Variants in WDR83 observed in about 807,000 individuals in gnomAD.
WDR83 encodes the protein WD repeat domain-containing protein 83.
In WDR83, 37 loss-of-function variants were observed where a neutral mutation model predicts 37.7. The observed-to-expected ratio is 0.98, with a 90% confidence interval of 0.76 to 1.29. The LOEUF is 1.29. Ranked by LOEUF, WDR83 falls within the 50% of genes most tolerant of loss-of-function variation. The pLI, the probability that WDR83 is intolerant of heterozygous loss-of-function variation, is 0.00. For missense variants in WDR83, 445 were observed against 414.4 expected (o/e 1.07, Z -0.64); for synonymous variants, 174 against 181.1 (o/e 0.96, Z 0.31).
intron 1 of WDR83, among the ~76,000 whole-genome samples, chr19:12,667,870 G>C (rs939007407): frequency 6.6e-6 from 1 of 151,950 alleles, no homozygotes; most frequent in Non-Finnish European, 1.5e-5. Context: ...AGATTATCTA[G>C]GTCAGCAGGG....
At chr19:12,669,327 C>T (rs774840625) in intron 2 of WDR83, 41 of 1,605,566 alleles carry the variant, frequency 2.6e-5, no homozygotes, top group Non-Finnish European at 3.4e-5. Context: ...CAACCCGAAC[C>T]CGTGCCCACG....
intron 2 of WDR83, chr19:12,669,400 A>G (rs1292454763): frequency 8.8e-6 from 14 of 1,597,100 alleles, no homozygotes. Flanking sequence ...TTGTTAGTGG[A>G]CATAGCGAGT....
rs146967118 is a variant in WDR83 at position 12,667,534 on chromosome 19, T to C, written c.-157+542T>C. The stretch of plus-strand genomic sequence containing the variant: ...TGGGCATGGTGGCACATGCCTGTAA[T>C]CCCAGCTACTTGGGAGACTGAGGCA... On this transcript the variant is annotated intron_variant, in intron 1 of 10. Coordinates refer to ENST00000418543, the MANE Select transcript of WDR83 (RefSeq NM_001099737.3). Among the ~76,000 whole-genome samples the C allele has an allele frequency of 7.0e-3, 1,072 of 152,236 alleles. 3 individuals are homozygous for C. The highest frequency in any genetic ancestry group is 0.01 in the Non-Finnish European group (713 of 68,028).
chr19:12,673,206 A>G lies in WDR83; in HGVS notation c.688A>G (p.Lys230Glu). The G allele has an allele frequency of 6.2e-7, 1 of 1,613,994 alleles. No individual in the cohort carries two copies. Among genetic ancestry groups the G allele is most frequent in the Non-Finnish European group, 8.5e-7 (1 of 1,179,978 alleles). Residue 230 changes from lysine (K) to glutamate (E), a missense_variant, in exon 10 of 11, where the codon AAG (lysine) becomes GAG (glutamate). Coordinates refer to ENST00000418543, the MANE Select transcript of WDR83 (RefSeq NM_001099737.3). ...KDTGELLGEYKGHKNQEYKLD... is the reference protein window; with the variant it reads ...KDTGELLGEYEGHKNQEYKLD... ...CCCGATCCTGTCCACCCTTAGGTAC[A>G]AGGGCCATAAGAACCAGGAATACAA... is the stretch of plus-strand genomic sequence containing the variant.
intron 2 of WDR83, chr19:12,669,445 T>C (rs779522744): frequency 3.2e-5 from 50 of 1,567,838 alleles, no homozygotes; most frequent in Middle Eastern, 1.7e-4. Flanking sequence ...GCTGCAGGAA[T>C]CGCAGCTTCC....
At chr19:12,671,448 C>A (rs539008123) in intron 7 of WDR83, 1 of 151,910 alleles carries the variant, frequency 6.6e-6, no homozygotes, top group Non-Finnish European at 1.5e-5. Flanking sequence ...GTCAGGAGAT[C>A]GAGATCATTC....
Position 12,670,075 on chromosome 19 carries a change from T to A in WDR83, c.202T>A (p.Tyr68Asn). The change falls in exon 4 of 11, where the codon TAC becomes AAC. Residue 68 changes from tyrosine (Y) to asparagine (N), a missense_variant. By Grantham distance (143) the Tyr-to-Asn change is moderately radical. Coordinates refer to ENST00000418543, the MANE Select transcript of WDR83 (RefSeq NM_001099737.3). ...TLLRTYSGHG[Y>N]EVLDAAGSFD... The stretch of plus-strand genomic sequence containing the variant: ...GCTGCGGACGTACAGCGGCCACGGC[T>A]ACGAGGTGCTGGATGCGGCCGGGTG... The A allele has an allele frequency of 6.2e-7, 1 of 1,611,940 alleles. No homozygotes were observed. The highest frequency in any genetic ancestry group is 1.1e-5 in the South Asian group (1 of 91,028).
At chr19:12,668,743 C>T (rs984310507) in intron 2 of WDR83, 116 bp downstream of exon 2, 19 of 786,772 alleles carry the variant, frequency 2.4e-5, no homozygotes, top group Middle Eastern at 3.5e-4. Context: ...TTGCCCCACC[C>T]GGAATTCCTC....
chr19:12,670,352 C>G, intron 5 of WDR83, 67 bp downstream of exon 5: 1 of 1,553,478 alleles, frequency 6.4e-7, no homozygotes, highest in South Asian at 1.2e-5. Context: ...GGTGGTGACA[C>G]GGCCACCCCC....
intron 2 of WDR83, chr19:12,669,413 A>G (rs1420121383): frequency 2.5e-6 from 4 of 1,591,338 alleles, no homozygotes; most frequent in Middle Eastern, 1.7e-4. Context: ...TAGCGAGTCG[A>G]AGGCCAGATC....
chr19:12,670,723 G>C lies in WDR83; in HGVS notation c.408G>C (p.Trp136Cys), dbSNP rs963199844. 12 of 1,614,050 alleles carry C rather than the reference G, an allele frequency of 7.4e-6. No individual in the cohort carries two copies. Among genetic ancestry groups the C allele is most frequent in the East Asian group, 2.2e-5 (1 of 44,892 alleles). ...SGSIDSSIRC[W>C]DCRSRRPEPV... ...CTATTGATTCCAGTATCCGCTGTTG[G>C]GATTGCCGCTCACGGAGGCCTGAGC... is the stretch of plus-strand genomic sequence containing the variant. Residue 136 changes from tryptophan (W) to cysteine (C), a missense_variant, in exon 7 of 11, where the codon TGG (tryptophan) becomes TGC (cysteine). By Grantham distance (215) the Trp-to-Cys change is radical. Transcript: ENST00000418543.
rs1282932238 is a variant in WDR83 at position 12,675,781 on chromosome 19, G to C, written c.*109G>C. 6.4e-7 allele frequency: 1 copy of C among 1,566,522 alleles called. No individual in the cohort carries two copies. Among genetic ancestry groups the C allele is most frequent in the Non-Finnish European group, 8.7e-7 (1 of 1,154,332 alleles). On this transcript the variant is annotated 3_prime_UTR_variant, in exon 11 of 11. Coordinates refer to ENST00000418543, the MANE Select transcript of WDR83 (RefSeq NM_001099737.3). ...CTGACCAAAAAGTAGGGGAGGGGCT[G>C]GGTCTGCAAATTAATAAATAGAAGA...
intron 10 of WDR83, among the ~76,000 whole-genome samples, chr19:12,675,056 G>A (rs1275852481): frequency 2.6e-5 from 4 of 151,722 alleles, no homozygotes; most frequent in African/African-American, 9.7e-5. Flanking sequence ...GGAGGTTGCA[G>A]TGAGCCCAGA....
intron 1 of WDR83, 40 bp from the exon 2 acceptor site, chr19:12,668,468 G>A: frequency 1.2e-6 from 2 of 1,613,236 alleles, no homozygotes; most frequent in Non-Finnish European, 1.7e-6. Flanking sequence ...GCCAGGCTGG[G>A]GTCCCCCCAC....
At chr19:12,670,888 G>A in intron 7 of WDR83, 67 bp downstream of exon 7, 1 of 1,557,186 alleles carries the variant, frequency 6.4e-7, no homozygotes, top group Non-Finnish European at 8.7e-7. Context: ...CCCATGCTCA[G>A]ATTAAAACCT....
intron 2 of WDR83, chr19:12,669,450 G>C: frequency 3.2e-6 from 5 of 1,563,270 alleles, no homozygotes; most frequent in Non-Finnish European, 4.3e-6. Flanking sequence ...AGGAATCGCA[G>C]CTTCCGGCGT....
chr19:12,670,598 A>G lies in WDR83; in HGVS notation c.366A>G (p.Thr122=). The part of the protein sequence containing the change: ...VNTVQFNEEA[T]VILSGSIDSS... ...CGGTGCAGTTTAATGAAGAGGCCAC[A>G]GTTATCCTGTCCGGTGAGTCTGGGG... is the stretch of plus-strand genomic sequence containing the variant. The change falls in exon 6 of 11, where the codon ACA becomes ACG. Residue 122 remains threonine (T), a synonymous_variant. Transcript: ENST00000418543. 2 of 1,614,228 alleles carry G rather than the reference A, an allele frequency of 1.2e-6. No individual in the cohort carries two copies. The highest frequency in any genetic ancestry group is 1.7e-6 in the Non-Finnish European group (2 of 1,180,038).
In WDR83 at chr19:12,666,819, C is replaced by A; in HGVS notation, c.-330C>A. On this transcript the variant is annotated 5_prime_UTR_variant, in exon 1 of 11. Coordinates refer to ENST00000418543, the MANE Select transcript of WDR83 (RefSeq NM_001099737.3). ...GCGGGGCCAGGGCGCGGTCTGGAGGCTCACGGGAGAGAGGCTGTAGCCCTG... is the reference window on the plus strand; with the variant it reads ...GCGGGGCCAGGGCGCGGTCTGGAGGATCACGGGAGAGAGGCTGTAGCCCTG... 1 of 1,027,678 alleles carries A rather than the reference C, an allele frequency of 9.7e-7. No homozygotes were observed. Among genetic ancestry groups the A allele is most frequent in the Non-Finnish European group, 1.4e-6 (1 of 721,696 alleles). The allele number at this position is 1,027,678 out of a possible 1,614,324, so 63.7% of individuals were successfully genotyped here.
chr19:12,675,766 A>C lies in WDR83; in HGVS notation c.*94A>C, dbSNP rs769641942. The C allele has an allele frequency of 6.4e-7, 1 of 1,567,740 alleles. No homozygotes were observed. The highest frequency in any genetic ancestry group is 8.7e-7 in the Non-Finnish European group (1 of 1,155,260). On this transcript the variant is annotated 3_prime_UTR_variant, in exon 11 of 11. Coordinates refer to ENST00000418543, the MANE Select transcript of WDR83 (RefSeq NM_001099737.3). ...ATTCTAGAGACGTAGCTGACCAAAA[A>C]GTAGGGGAGGGGCTGGGTCTGCAAA...
Sources: gnomAD v4.1 joint callset for allele counts (sites outside exome capture counted in the v4.1 genomes callset) on GRCh38, gnomAD v4.1.1 for gene constraint, MANE v1.5 for transcripts, NCBI Gene and HGNC (gene_info 2026-07-23, HGNC 2026-07-21) for gene names.